Variants in PDSS2 observed in about 807,000 individuals in gnomAD.
PDSS2 encodes decaprenyl diphosphate synthase subunit 2.
A neutral mutation model predicts 44.5 loss-of-function variants in PDSS2; 31 were observed. The observed-to-expected ratio is 0.70, with a 90% CI of 0.52 to 0.94. The LOEUF is 0.94. Ranked by LOEUF, PDSS2 falls within the 40% of genes least tolerant of loss-of-function variation. The pLI is 0.00. For missense variants in PDSS2, 452 were observed against 482.2 expected (o/e 0.94, Z 0.59); for synonymous variants, 157 against 180.3 (o/e 0.87, Z 1.03).
intron 1 of PDSS2, among the ~76,000 whole-genome samples, chr6:107,439,626 CA>C (rs1345997728): frequency 6.6e-6 from 1 of 152,180 alleles, no homozygotes; most frequent in East Asian, 1.9e-4. Flanking sequence ...CAACTCCATT[CA>C]GGGGTGATCC....
At position 107,204,703 on chromosome 6, in the gene PDSS2, C is replaced by G. The variant is rs74380846; in HGVS notation, c.1008+5736G>C. Reference sequence around the variant, plus strand: ...TTCATAAACCTCTTTCTTGACTTTTCCAACTGAACATCAATTGTCTTTCCT... The same window carrying G: ...TTCATAAACCTCTTTCTTGACTTTTGCAACTGAACATCAATTGTCTTTCCT... On this transcript the variant is annotated intron_variant, in intron 6 of 7. Transcript: ENST00000369037. Among the ~76,000 whole-genome samples, 1,100 of 152,278 alleles carry G rather than the reference C, an allele frequency of 7.2e-3. 13 individuals are homozygous for G. The highest frequency in any genetic ancestry group is 0.011 in the Non-Finnish European group (728 of 68,012).
chr6:107,193,907 T>G (rs1407484897), intron 6 of PDSS2, 53 bp from the exon 7 acceptor site: 2 of 1,176,598 alleles, frequency 1.7e-6, no homozygotes, highest in Non-Finnish European at 2.6e-6. Context: ...AGTTTAGTGC[T>G]TCTATAATTT....
chr6:107,325,240 T>C (rs1459671872), intron 2 of PDSS2, among the ~76,000 whole-genome samples: 1 of 152,220 alleles, frequency 6.6e-6, no homozygotes, highest in Non-Finnish European at 1.5e-5. Flanking sequence ...ATTTAACTTA[T>C]AGTTATGTTT....
At chr6:107,332,292 G>A (rs1006660843) in intron 2 of PDSS2, among the ~76,000 whole-genome samples, 19 of 151,930 alleles carry the variant, frequency 1.3e-4, no homozygotes, top group African/African-American at 3.6e-4. Flanking sequence ...TTTTTGTAGC[G>A]ACTGGGTTTC....
chr6:107,246,970 AC>A (rs958955565), intron 3 of PDSS2, among the ~76,000 whole-genome samples: 7 of 152,216 alleles, frequency 4.6e-5, no homozygotes, highest in Admixed American at 2.6e-4. Flanking sequence ...CTACAGTGTT[AC>A]CACATGAGTT....
intron 6 of PDSS2, among the ~76,000 whole-genome samples, chr6:107,209,883 A>G (rs192954313): frequency 1.2e-3 from 186 of 152,304 alleles, no homozygotes; most frequent in African/African-American, 4.4e-3. Flanking sequence ...TTCTGAATTA[A>G]AAGAAAACCA....
intron 3 of PDSS2, among the ~76,000 whole-genome samples, chr6:107,270,065 G>A (rs1775546683): frequency 6.6e-6 from 1 of 152,070 alleles, no homozygotes; most frequent in Non-Finnish European, 1.5e-5. Flanking sequence ...ATCAACGACA[G>A]ACAACAAAGA....
chr6:107,196,403 A>C (rs1009727255), intron 6 of PDSS2, among the ~76,000 whole-genome samples: 7 of 152,180 alleles, frequency 4.6e-5, no homozygotes, highest in African/African-American at 1.7e-4. Flanking sequence ...GCACTTTCCC[A>C]ACATGCTTAG....
At chr6:107,327,550 C>G (rs1317994231) in intron 2 of PDSS2, among the ~76,000 whole-genome samples, 1 of 152,216 alleles carries the variant, frequency 6.6e-6, no homozygotes, top group Non-Finnish European at 1.5e-5. Context: ...CTCCACCTCC[C>G]AGGTTCAAGC....
chr6:107,254,349 A>T (rs1774933525), intron 3 of PDSS2, among the ~76,000 whole-genome samples: 1 of 152,000 alleles, frequency 6.6e-6, no homozygotes, highest in Non-Finnish European at 1.5e-5. Context: ...AATTTTTTTT[A>T]AAGATAAAAA....
At chr6:107,425,977 G>C (rs910633173) in intron 1 of PDSS2, among the ~76,000 whole-genome samples, 1 of 148,648 alleles carries the variant, frequency 6.7e-6, no homozygotes, top group African/African-American at 2.5e-5. Context: ...AAAAAAAAAA[G>C]AAAATCCCAT....
chr6:107,210,126 C>T (rs897567361), intron 6 of PDSS2, among the ~76,000 whole-genome samples: 4 of 152,062 alleles, frequency 2.6e-5, no homozygotes, highest in Admixed American at 2.0e-4. Context: ...TAGGGTGGTG[C>T]TATTACCATA....
intron 2 of PDSS2, among the ~76,000 whole-genome samples, chr6:107,311,195 C>CAT (rs530008189): frequency 1.6e-5 from 2 of 128,320 alleles, no homozygotes; most frequent in Non-Finnish European, 3.2e-5. Context: ...CCACAACCAG[C>CAT]TTTTTTTTTT....
chr6:107,391,352 CCTT>C (rs1779774873), intron 1 of PDSS2, among the ~76,000 whole-genome samples: 1 of 152,118 alleles, frequency 6.6e-6, no homozygotes, highest in African/African-American at 2.4e-5. Context: ...TGACTAACCT[CCTT>C]CTTTCCTGGC....
intron 3 of PDSS2, among the ~76,000 whole-genome samples, chr6:107,262,591 T>C (rs1268297961): frequency 6.6e-6 from 1 of 151,800 alleles, no homozygotes; most frequent in Non-Finnish European, 1.5e-5. Flanking sequence ...GCTAACACGG[T>C]GAAACCCCAC....
At position 107,274,126 on chromosome 6, in the gene PDSS2, A is replaced by G. The variant is rs778396444; in HGVS notation, c.533T>C (p.Leu178Pro). Residue 178 changes from leucine to proline, a missense_variant, in exon 3 of 8, where the codon CTG becomes CCG. Coordinates refer to ENST00000369037, the MANE Select transcript of PDSS2 (RefSeq NM_020381.4). ...TTTATTTCCAAATTGCATGTCTTTC[A>G]GTGGACCATCAGATGATTGCAACTC... Reference protein sequence around the residue: ...LNELQSSDGPLKDMQFGNKIA... With the variant: ...LNELQSSDGPPKDMQFGNKIA... 5 of 1,613,608 alleles carry G rather than the reference A, an allele frequency of 3.1e-6. No individual in the cohort carries two copies. In the Admixed American group the frequency reaches 8.3e-5, roughly 27 times the overall value.
intron 1 of PDSS2, among the ~76,000 whole-genome samples, chr6:107,419,316 G>A (rs893412261): frequency 3.2e-4 from 49 of 152,144 alleles, no homozygotes; most frequent in Admixed American, 3.1e-3. Flanking sequence ...ACTGAGAGTT[G>A]CATCCCAGTT....
At position 107,243,995 on chromosome 6, in the gene PDSS2, GTGC is replaced by G. The variant is rs1190211547; in HGVS notation, c.702+1550_702+1552del. On this transcript the variant is annotated intron_variant, in intron 4 of 7. Transcript: ENST00000369037. Reference sequence around the variant, plus strand: ...AATACAAAATTAGCCAGGTGTGGTGGTGCATGCCTGTAATCCCAGCTACTTGGG... The same window carrying G: ...AATACAAAATTAGCCAGGTGTGGTGGATGCCTGTAATCCCAGCTACTTGGG... Among the ~76,000 whole-genome samples, 3 of 152,298 alleles carry G rather than the reference GTGC, an allele frequency of 2.0e-5. No homozygotes were observed. The East Asian group carries it at 5.8e-4, about 29-fold the overall frequency.
chr6:107,161,024 C>T (rs547270692), intron 7 of PDSS2, among the ~76,000 whole-genome samples: 30 of 152,174 alleles, frequency 2.0e-4, no homozygotes, highest in Middle Eastern at 3.4e-3. Context: ...AGGTGTGAGC[C>T]ACTGCGCATG....
Sources: allele counts gnomAD v4.1 joint callset (sites outside exome capture counted in the v4.1 genomes callset), GRCh38; gene constraint gnomAD v4.1.1; transcripts MANE v1.5; gene names NCBI Gene and HGNC (gene_info 2026-07-23, HGNC 2026-07-21).